The following CSMD1 variants were observed in gnomAD, a reference collection of about 807,000 sequenced individuals.
The protein encoded by CSMD1 is CUB and Sushi multiple domains 1.
In CSMD1, 213 loss-of-function variants were observed where a neutral mutation model predicts 417.5. The ratio of observed to expected loss-of-function variants is 0.51; its 90% CI spans 0.46 to 0.57. The LOEUF is 0.57. Among genes scored for constraint, CSMD1 ranks in the 20% least tolerant of loss-of-function variants. The pLI is 0.00. For synonymous variants in CSMD1, 2,862 were observed against 1,736.8 expected (o/e 1.65, Z -16.11); for missense variants, 6,923 against 4,529.7 (o/e 1.53, Z -15.17).
intron 1 of CSMD1, among the ~76,000 whole-genome samples, chr8:4,886,524 G>A (rs1585265380): frequency 6.6e-6 from 1 of 151,900 alleles, no homozygotes; most frequent in Non-Finnish European, 1.5e-5. Flanking sequence ...AAATGAGTTG[G>A]AAAGTGTTTC....
intron 12 of CSMD1, among the ~76,000 whole-genome samples, chr8:3,459,375 C>T (rs776117249): frequency 6.6e-6 from 1 of 152,130 alleles, no homozygotes; most frequent in African/African-American, 2.4e-5. Context: ...GGGAATCGCA[C>T]GGTGGATCCT....
At chr8:3,748,383 C>A (rs535000554) in intron 6 of CSMD1, among the ~76,000 whole-genome samples, 10 of 152,032 alleles carry the variant, frequency 6.6e-5, no homozygotes, top group Non-Finnish European at 1.5e-4. Context: ...TACAAGATAG[C>A]AAGGGAGGTC....
chr8:4,426,657 T>TA lies in CSMD1; in HGVS notation c.303-6593dup, dbSNP rs550208601. Among the ~76,000 whole-genome samples the TA allele has an allele frequency of 2.7e-5, 4 of 147,314 alleles. No homozygotes were observed. The Admixed American group carries it at 2.7e-4, about 10-fold the overall frequency. On this transcript the variant is annotated intron_variant, in intron 2 of 69. Coordinates refer to ENST00000635120, the MANE Select transcript of CSMD1 (RefSeq NM_033225.6). Reference sequence around the variant, plus strand: ...TAGTAATATTTTGTTATTCATATTTTATAGTAATATTTTATTATATAATAT... The same window carrying TA: ...TAGTAATATTTTGTTATTCATATTTTAATAGTAATATTTTATTATATAATAT...
chr8:3,493,488 G>T, intron 11 of CSMD1, 135 bp downstream of exon 11: 1 of 613,670 alleles, frequency 1.6e-6, no homozygotes, highest in Non-Finnish European at 2.9e-6. Context: ...GAGATTGCAG[G>T]CCACTACATT....
rs1264254630 is a variant in CSMD1, at chr8:4,349,923, AC to A, written c.415+70029del. 2.6e-5 allele frequency among the ~76,000 whole-genome samples: 4 copies of A among 151,918 alleles called. No homozygotes were observed. In the East Asian group the frequency reaches 7.8e-4, roughly 30 times the overall value. On this transcript the variant is annotated intron_variant, in intron 3 of 69. Transcript: ENST00000635120. ...ATATTAGCAAAAAGGTTGTGCTATGACCTTTATACTGCCAAACTTTAACAAA... is the reference window on the plus strand; with the variant it reads ...ATATTAGCAAAAAGGTTGTGCTATGACTTTATACTGCCAAACTTTAACAAA...
intron 1 of CSMD1, among the ~76,000 whole-genome samples, chr8:4,740,262 T>A (rs189391395): frequency 8.6e-4 from 131 of 152,312 alleles, no homozygotes; most frequent in Non-Finnish European, 1.4e-3. Flanking sequence ...ATAATAATAT[T>A]AGTAATAGTC....
At chr8:3,605,782 AGC>A (rs1801583141) in intron 8 of CSMD1, among the ~76,000 whole-genome samples, 1 of 152,220 alleles carries the variant, frequency 6.6e-6, no homozygotes, top group Non-Finnish European at 1.5e-5. Context: ...AGTCATAAAT[AGC>A]ACTCTTTCAA....
At chr8:3,479,108 A>G (rs1817590969) in intron 11 of CSMD1, among the ~76,000 whole-genome samples, 2 of 152,014 alleles carry the variant, frequency 1.3e-5, no homozygotes, top group South Asian at 4.1e-4. Flanking sequence ...CACTAAAGGC[A>G]CTGAGCAGAT....
intron 25 of CSMD1, among the ~76,000 whole-genome samples, chr8:3,294,093 C>T (rs373475637): frequency 6.6e-6 from 1 of 152,202 alleles, no homozygotes; most frequent in South Asian, 2.1e-4. Context: ...GAGGTGCACT[C>T]CGGACCCTGT....
In CSMD1 at chr8:3,223,807, T is replaced by C. The variant is rs1303121574; in HGVS notation, c.4406A>G (p.Gln1469Arg). 6.2e-7 allele frequency: 1 copy of C among 1,613,800 alleles called. No individual in the cohort carries two copies. The highest frequency in any genetic ancestry group is 1.1e-5 in the South Asian group (1 of 91,080). Residue 1469 changes from glutamine (Q) to arginine (R), a missense_variant, in exon 28 of 70, where the codon CAG becomes CGG. Physicochemically the swap from Gln to Arg is conservative, Grantham distance 43. Transcript: ENST00000635120. ...ACATTCCTTCCCAGGAGGATACGGC[T>C]GTGGGTAGTTGGGTGACAAAATAAC... is the stretch of plus-strand genomic sequence containing the variant. ...AGVILSPNYPQPYPPGKECDW... is the reference protein window; with the variant it reads ...AGVILSPNYPRPYPPGKECDW...
At chr8:3,553,537 T>C (rs1044511940) in intron 10 of CSMD1, among the ~76,000 whole-genome samples, 5 of 152,204 alleles carry the variant, frequency 3.3e-5, no homozygotes, top group Admixed American at 2.0e-4. Context: ...ATTGCTGCCG[T>C]GGCACAGACT....
chr8:4,290,320 T>C lies in CSMD1; in HGVS notation c.415+129633A>G, dbSNP rs148025987. 7.9e-5 allele frequency among the ~76,000 whole-genome samples: 12 copies of C among 152,290 alleles called. 1 individual carries two copies. The highest frequency in any genetic ancestry group is 2.9e-4 in the African/African-American group (12 of 41,558). ...ACAGATGTGAAATTTCAGATGGTCG[T>C]GTTTGAATTTCTACACAGTAATGCT... On this transcript the variant is annotated intron_variant, in intron 3 of 69. Coordinates refer to ENST00000635120, the MANE Select transcript of CSMD1 (RefSeq NM_033225.6).
intron 2 of CSMD1, among the ~76,000 whole-genome samples, chr8:4,475,175 C>G (rs1177816471): frequency 6.6e-6 from 1 of 152,078 alleles, no homozygotes; most frequent in African/African-American, 2.4e-5. Context: ...ATTATGGTTG[C>G]CTATAATACA....
intron 2 of CSMD1, among the ~76,000 whole-genome samples, chr8:4,541,189 G>A (rs1318333183): frequency 6.6e-6 from 1 of 152,040 alleles, no homozygotes; most frequent in Non-Finnish European, 1.5e-5. Context: ...ATTTCCAGCT[G>A]CATCTAGGGA....
chr8:3,593,598 C>T (rs1272869159), intron 8 of CSMD1, among the ~76,000 whole-genome samples: 1 of 152,200 alleles, frequency 6.6e-6, no homozygotes, highest in Non-Finnish European at 1.5e-5. Context: ...TGGGAAATCA[C>T]TAATTTTAAC....
Position 2,949,294 on chromosome 8 carries a change from C to G in CSMD1, c.10402+5G>C, listed in dbSNP as rs1288844691. On this transcript the variant is annotated splice_donor_5th_base_variant and intron_variant, in intron 68 of 69. Transcript: ENST00000635120. Reference sequence around the variant, plus strand: ...GCTTTAAAATATATCCTAAGTGCAACTTACCTTGCCTTTCTAGCTTAAATT... The same window carrying G: ...GCTTTAAAATATATCCTAAGTGCAAGTTACCTTGCCTTTCTAGCTTAAATT... 3 of 1,543,044 alleles carry G rather than the reference C, an allele frequency of 1.9e-6. No individual in the cohort carries two copies. Among genetic ancestry groups the G allele is most frequent in the South Asian group, 2.2e-5 (2 of 88,944 alleles).
chr8:4,490,039 A>ATTTTT (rs67307681), intron 2 of CSMD1, among the ~76,000 whole-genome samples: 1 of 131,288 alleles, frequency 7.6e-6, no homozygotes, highest in African/African-American at 2.9e-5. Flanking sequence ...TCAGGTACCA[A>ATTTTT]TTTTTTTTTT....
intron 1 of CSMD1, among the ~76,000 whole-genome samples, chr8:4,942,610 G>C (rs182659521): frequency 1.8e-4 from 27 of 152,230 alleles, no homozygotes; most frequent in African/African-American, 6.3e-4. Context: ...AAGAACTAAT[G>C]TTCCAATATG....
At chr8:3,347,091 G>A (rs947268825) in intron 22 of CSMD1, among the ~76,000 whole-genome samples, 2 of 152,200 alleles carry the variant, frequency 1.3e-5, no homozygotes, top group Non-Finnish European at 2.9e-5. Context: ...AAAAATCACA[G>A]AACATCTCAT....
Sources: allele counts gnomAD v4.1 joint callset (sites outside exome capture counted in the v4.1 genomes callset), GRCh38; gene constraint gnomAD v4.1.1; transcripts MANE v1.5; gene names NCBI Gene and HGNC (gene_info 2026-07-23, HGNC 2026-07-21).